The following IQCH variants were observed in gnomAD, a reference collection of about 807,000 sequenced individuals.
The protein encoded by IQCH is IQ motif containing H, also known as IQ domain-containing protein H.
Under a neutral mutation model 117.0 loss-of-function variants are expected in IQCH, and 98 were observed. That is an observed-to-expected ratio of 0.84 (90% confidence interval 0.71 to 0.99). IQCH has a LOEUF of 0.99. Ranked by LOEUF, IQCH falls within the 50% of genes least tolerant of loss-of-function variation. The pLI is 0.00. For synonymous variants in IQCH, 412 were observed against 448.2 expected, an observed-to-expected ratio of 0.92 and a Z score of 1.02; for missense variants, 1,102 against 1,243.8, an observed-to-expected ratio of 0.89 and a Z score of 1.72.
At position 67,481,540 on chromosome 15, in the gene IQCH, G is replaced by A. The variant is rs1358140799; in HGVS notation, c.2799+5722G>A. Among the ~76,000 whole-genome samples the A allele has an allele frequency of 6.6e-6, 1 of 151,992 alleles. No individual in the cohort carries two copies. Among genetic ancestry groups the A allele is most frequent in the Non-Finnish European group, 1.5e-5 (1 of 67,994 alleles). ...CTACATTAAAAATAAAATTTGGGTG[G>A]GGACACAGCCAAACCATATCAAGTA... On this transcript the variant is annotated intron_variant, in intron 18 of 20. Transcript: ENST00000335894. The surrounding 1 kb of genome is among the most constrained non-coding windows in gnomAD (Gnocchi z 4.1).
chr15:67,372,674 T>C lies in IQCH; in HGVS notation c.1305+12T>C. 8 of 1,586,716 alleles carry C rather than the reference T, an allele frequency of 5.0e-6. No individual in the cohort carries two copies. Among genetic ancestry groups the C allele is most frequent in the Non-Finnish European group, 6.9e-6 (8 of 1,166,758 alleles). On this transcript the variant is annotated intron_variant, in intron 9 of 20. Transcript: ENST00000335894. ...GCATTCGAGCCAAGGTGCACAAGGC[T>C]GCCAGCTGTTAAGGCAGACCTCTTT...
intron 8 of IQCH, among the ~76,000 whole-genome samples, chr15:67,363,243 T>TA (rs959312360): frequency 7.3e-5 from 11 of 150,516 alleles, no homozygotes; most frequent in African/African-American, 2.7e-4. Flanking sequence ...TGATTTTTTT[T>TA]TTTTTTTTTT....
chr15:67,362,091 A>G (rs1970156071), intron 8 of IQCH, among the ~76,000 whole-genome samples: 1 of 152,072 alleles, frequency 6.6e-6, no homozygotes, highest in East Asian at 1.9e-4. Flanking sequence ...AGGAGAATGA[A>G]AAGAAATACA....
intron 18 of IQCH, among the ~76,000 whole-genome samples, chr15:67,485,046 T>G (rs2083438331): frequency 6.6e-6 from 1 of 152,236 alleles, no homozygotes; most frequent in East Asian, 1.9e-4. Flanking sequence ...CAACATAATC[T>G]ATGAAAGCTA....
intron 4 of IQCH, among the ~76,000 whole-genome samples, chr15:67,280,578 A>G (rs1232300316): frequency 2.0e-5 from 3 of 152,214 alleles, no homozygotes; most frequent in Non-Finnish European, 2.9e-5. Flanking sequence ...TTATAAGGAC[A>G]TTGATCTCAT....
chr15:67,330,183 G>A (rs1481309260), intron 4 of IQCH, among the ~76,000 whole-genome samples: 1 of 152,136 alleles, frequency 6.6e-6, no homozygotes, highest in African/African-American at 2.4e-5. Context: ...AGGCAGTCTG[G>A]GAGATGTAAT....
At chr15:67,276,034 A>G (rs1433481648) in intron 3 of IQCH, among the ~76,000 whole-genome samples, 1 of 152,254 alleles carries the variant, frequency 6.6e-6, no homozygotes, top group Non-Finnish European at 1.5e-5. Context: ...TCAACAGTAA[A>G]AGAATTATTA....
rs1477544557 is a variant in IQCH at position 67,445,726 on chromosome 15, C to T, written c.2506-19401C>T. Among the ~76,000 whole-genome samples, 4 of 152,146 alleles carry T rather than the reference C, an allele frequency of 2.6e-5. No homozygotes were observed. Among genetic ancestry groups the T allele is most frequent in the South Asian group, 4.1e-4 (2 of 4,830 alleles). ...TGCTGGGATAACAGGCGTGAGCCAC[C>T]GCACCTGGCCTGTTTTTTAATCTTT... On this transcript the variant is annotated intron_variant, in intron 16 of 20. Coordinates refer to ENST00000335894, the MANE Select transcript of IQCH (RefSeq NM_001031715.3). This position sits in a 1 kb window ranked among gnomAD's most constrained non-coding sequence, Gnocchi z 4.3.
At position 67,467,942 on chromosome 15, in the gene IQCH, T is replaced by G. The variant is rs190180198; in HGVS notation, c.2676+2645T>G. ...TCCTGGGCTCTCAGAAGAGCTGTTG[T>G]CTCATCTCAGAAACAGGTGGGAGAA... On this transcript the variant is annotated intron_variant, in intron 17 of 20. Coordinates refer to ENST00000335894, the MANE Select transcript of IQCH (RefSeq NM_001031715.3). The surrounding 1 kb of genome is among the most constrained non-coding windows in gnomAD (Gnocchi z 5.7). 2.3e-4 allele frequency among the ~76,000 whole-genome samples: 35 copies of G among 152,310 alleles called. No individual in the cohort carries two copies. The highest frequency in any genetic ancestry group is 1.8e-3 in the Admixed American group (27 of 15,298).
In IQCH at chr15:67,493,362, G is replaced by A. The variant is rs2083713349; in HGVS notation, c.2862-896G>A. On this transcript the variant is annotated intron_variant, in intron 19 of 20. Coordinates refer to ENST00000335894, the MANE Select transcript of IQCH (RefSeq NM_001031715.3). This position sits in a 1 kb window ranked among gnomAD's most constrained non-coding sequence, Gnocchi z 5.1. ...CACTATACCACAAAGCCTACACTGA[G>A]TGACCACCTTATATAGGGAGCCCTA... 6.6e-6 allele frequency among the ~76,000 whole-genome samples: 1 copy of A among 152,186 alleles called. No individual in the cohort carries two copies. Among genetic ancestry groups the A allele is most frequent in the African/African-American group, 2.4e-5 (1 of 41,438 alleles).
intron 18 of IQCH, among the ~76,000 whole-genome samples, chr15:67,480,066 A>G (rs2083304219): frequency 6.6e-6 from 1 of 152,188 alleles, no homozygotes; most frequent in African/African-American, 2.4e-5. Context: ...CGTCATGTTT[A>G]CTGCCTGCAC....
In IQCH at chr15:67,369,831, T is replaced by A. The variant is rs536163045; in HGVS notation, c.754-2280T>A. On this transcript the variant is annotated intron_variant, in intron 8 of 20. Transcript: ENST00000335894. This position sits in a 1 kb window ranked among gnomAD's most constrained non-coding sequence, Gnocchi z 5.2. ...TCTTGAGAGGCATGTCTTTTCTTGCTCCAAGTCTAAAGTGCTCCCAAGTGT... is the reference window on the plus strand; with the variant it reads ...TCTTGAGAGGCATGTCTTTTCTTGCACCAAGTCTAAAGTGCTCCCAAGTGT... Among the ~76,000 whole-genome samples the A allele has an allele frequency of 6.6e-6, 1 of 152,182 alleles. No individual in the cohort carries two copies. The highest frequency in any genetic ancestry group is 2.4e-5 in the African/African-American group (1 of 41,446).
At chr15:67,412,199 AT>A (rs887819394) in intron 14 of IQCH, among the ~76,000 whole-genome samples, 1 of 152,064 alleles carries the variant, frequency 6.6e-6, no homozygotes, top group Admixed American at 6.5e-5. Context: ...AGTCAAGTGT[AT>A]TTTTTCTAGC....
intron 8 of IQCH, chr15:67,360,158 T>C: frequency 2.6e-6 from 1 of 385,890 alleles, no homozygotes; most frequent in Non-Finnish European, 4.6e-6. Flanking sequence ...AAAATTTGGC[T>C]GAATCACATC....
At position 67,404,665 on chromosome 15, in the gene IQCH, T is replaced by G. The variant is rs1971814278; in HGVS notation, c.2097+4360T>G. ...AGTTAAACATCAGATCTTAAATATTTTCCATGTTTATACATAGTCGTCACA... is the reference window on the plus strand; with the variant it reads ...AGTTAAACATCAGATCTTAAATATTGTCCATGTTTATACATAGTCGTCACA... On this transcript the variant is annotated intron_variant, in intron 14 of 20. Transcript: ENST00000335894. The surrounding 1 kb of genome is among the most constrained non-coding windows in gnomAD (Gnocchi z 4.6). The G allele has an allele frequency of 6.6e-6, 1 of 152,254 alleles. No individual in the cohort carries two copies. Among genetic ancestry groups the G allele is most frequent in the South Asian group, 2.1e-4 (1 of 4,832 alleles). 9.4% of individuals were successfully genotyped at this position (152,254 alleles called of 1,614,324 possible). A position where few individuals can be genotyped will look rare whatever the true frequency, so the allele number is the denominator to read the frequency against.
chr15:67,292,323 C>T (rs1966778425), intron 4 of IQCH, among the ~76,000 whole-genome samples: 3 of 152,178 alleles, frequency 2.0e-5, no homozygotes, highest in Admixed American at 2.0e-4. Flanking sequence ...AATCATGGCT[C>T]ATCATGCAGC....
intron 8 of IQCH, 154 bp downstream of exon 8, chr15:67,360,039 AGG>A: frequency 1.7e-6 from 1 of 592,140 alleles, no homozygotes; most frequent in Non-Finnish European, 3.0e-6. Flanking sequence ...TCATGGTTTC[AGG>A]AAAAAAAAAA....
chr15:67,373,408 G>A lies in IQCH; in HGVS notation c.1347G>A (p.Arg449=). The A allele has an allele frequency of 6.2e-7, 1 of 1,612,196 alleles. No homozygotes were observed. Among genetic ancestry groups the A allele is most frequent in the African/African-American group, 1.3e-5 (1 of 74,980 alleles). The change falls in exon 10 of 21, where the codon AGG becomes AGA. Residue 449 remains arginine, a synonymous_variant. Coordinates refer to ENST00000335894, the MANE Select transcript of IQCH (RefSeq NM_001031715.3). The part of the protein sequence containing the change: ...ANWNRIRTSR[R]TIIHIPSLGY... ...GGAATCGCATCAGGACCTCCAGGAG[G>A]ACTATTATCCATATCCCATCATTAG...
intron 4 of IQCH, among the ~76,000 whole-genome samples, chr15:67,307,820 G>A (rs1038552077): frequency 6.6e-6 from 1 of 152,148 alleles, no homozygotes; most frequent in Non-Finnish European, 1.5e-5. Flanking sequence ...ATATGGGAAA[G>A]TGAAGGTCAC....
Sources: allele counts gnomAD v4.1 joint callset (sites outside exome capture counted in the v4.1 genomes callset), GRCh38; gene constraint gnomAD v4.1.1; non-coding constraint Gnocchi (gnomAD v3.1); transcripts MANE v1.5; gene names NCBI Gene and HGNC (gene_info 2026-07-23, HGNC 2026-07-21).